Variants in AR observed in about 807,000 individuals in gnomAD.
The protein encoded by AR is androgen receptor.
AR carries 8 observed loss-of-function variants against 53.9 expected under a neutral mutation model. The ratio of observed to expected loss-of-function variants is 0.15; its 90% CI spans 0.09 to 0.27. AR has a LOEUF of 0.27. AR is among the 10% of genes least tolerant of loss of function. The probability of loss-of-function intolerance (pLI) is 1.00; values close to 1 mark genes in which losing one functional copy is unlikely to be tolerated. For synonymous variants in AR, 359 were observed against 316.4 expected (o/e 1.13, Z -1.43); for missense variants, 639 against 742.5 (o/e 0.86, Z 1.62).
chrX:67,609,108 G>A (rs527757801), intron 1 of AR, among the ~76,000 whole-genome samples: 8 of 111,329 alleles, frequency 7.2e-5, no homozygotes, highest in Admixed American at 4.8e-4. Context: ...TTGCCCTGGA[G>A]TAAATGTGCC....
chrX:67,548,231 G>A (rs980900432), intron 1 of AR, among the ~76,000 whole-genome samples: 2 of 111,817 alleles, frequency 1.8e-5, no homozygotes, highest in African/African-American at 3.3e-5. Flanking sequence ...AGAAAGAGGA[G>A]GGTAGGATTT....
At chrX:67,636,373 G>A (rs770595490) in intron 1 of AR, among the ~76,000 whole-genome samples, 1 of 111,301 alleles carries the variant, frequency 9.0e-6, no homozygotes, top group South Asian at 3.7e-4. Flanking sequence ...ATAATATATT[G>A]CTTGCTTTTG....
intron 3 of AR, among the ~76,000 whole-genome samples, chrX:67,703,814 G>A (rs2076053293): frequency 9.0e-6 from 1 of 110,546 alleles, no homozygotes; most frequent in African/African-American, 3.3e-5. Context: ...CCCCACAACA[G>A]GCCCCAGTGT....
chrX:67,571,133 A>G (rs1256845632), intron 1 of AR, among the ~76,000 whole-genome samples: 1 of 111,143 alleles, frequency 9.0e-6, no homozygotes, highest in Non-Finnish European at 1.9e-5. Flanking sequence ...CTCTATTTAA[A>G]ACTTCTGTTC....
chrX:67,675,881 C>T (rs1486835789), intron 2 of AR, among the ~76,000 whole-genome samples: 1 of 111,365 alleles, frequency 9.0e-6, no homozygotes, highest in African/African-American at 3.3e-5. Flanking sequence ...TGCTCCACCT[C>T]TACCCTAGTA....
chrX:67,634,086 A>G (rs1472306373), intron 1 of AR, among the ~76,000 whole-genome samples: 1 of 111,683 alleles, frequency 9.0e-6, no homozygotes, highest in Non-Finnish European at 1.9e-5. Flanking sequence ...AAACCAAGCT[A>G]TAACAGAAAT....
chrX:67,629,488 CT>C (rs1390929887), intron 1 of AR, among the ~76,000 whole-genome samples: 1 of 106,363 alleles, frequency 9.4e-6, no homozygotes, highest in African/African-American at 3.4e-5. Flanking sequence ...GTGATATCCC[CT>C]TTATCATTTT....
At chrX:67,720,935 A>G (rs2076133260) in intron 5 of AR, among the ~76,000 whole-genome samples, 1 of 111,196 alleles carries the variant, frequency 9.0e-6, no homozygotes, top group South Asian at 3.9e-4. Context: ...GAAAACTGGA[A>G]GGCCTACTAG....
Position 67,721,818 on chromosome X carries a change from G to T in AR, c.2319-15G>T. 2 of 1,210,629 alleles carry T rather than the reference G, an allele frequency of 1.7e-6. No homozygotes were observed. The highest frequency in any genetic ancestry group is 2.2e-6 in the Non-Finnish European group (2 of 894,932). ...TTCCCCTCATTCCTTTTTCCTCTGTGTATCTCCTTCCCAGGTACCGCATGC... is the reference window on the plus strand; with the variant it reads ...TTCCCCTCATTCCTTTTTCCTCTGTTTATCTCCTTCCCAGGTACCGCATGC... On this transcript the variant is annotated splice_polypyrimidine_tract_variant and intron_variant, in intron 5 of 7. Coordinates refer to ENST00000374690, the MANE Select transcript of AR (RefSeq NM_000044.6).
intron 1 of AR, among the ~76,000 whole-genome samples, chrX:67,573,511 G>C (rs759662304): frequency 8.1e-5 from 9 of 111,617 alleles, no homozygotes. Flanking sequence ...GGGCTGCACT[G>C]ACTGACTTCT....
intron 1 of AR, among the ~76,000 whole-genome samples, chrX:67,592,528 G>A (rs1287707783): frequency 9.1e-6 from 1 of 110,100 alleles, no homozygotes; most frequent in African/African-American, 3.3e-5. Flanking sequence ...AAAGGAAGAT[G>A]TGCCTCTCTT....
chrX:67,680,703 T>G, intron 2 of AR: 1 of 330,695 alleles, frequency 3.0e-6, no homozygotes, highest in Non-Finnish European at 5.9e-6. Flanking sequence ...CTGCCTTACC[T>G]CCTCTGTTCC....
At chrX:67,556,853 TGAG>T (rs1482963153) in intron 1 of AR, among the ~76,000 whole-genome samples, 1 of 101,223 alleles carries the variant, frequency 9.9e-6, no homozygotes, top group African/African-American at 4.8e-5. Context: ...GCAAAGGGCC[TGAG>T]GCAGGAGCAC....
intron 2 of AR, among the ~76,000 whole-genome samples, chrX:67,684,454 C>T (rs2075954625): frequency 9.0e-6 from 1 of 111,070 alleles, no homozygotes; most frequent in African/African-American, 3.3e-5. Context: ...AGTTTTCTTC[C>T]TTTGGGGGCC....
At chrX:67,624,774 C>T (rs1263300436) in intron 1 of AR, among the ~76,000 whole-genome samples, 1 of 108,240 alleles carries the variant, frequency 9.2e-6, no homozygotes, top group Non-Finnish European at 1.9e-5. Context: ...CTGAAAAACA[C>T]ACAGCTAACA....
chrX:67,601,025 G>T (rs1923329006), intron 1 of AR, among the ~76,000 whole-genome samples: 1 of 111,551 alleles, frequency 9.0e-6, no homozygotes, highest in African/African-American at 3.2e-5. Flanking sequence ...TATGATTCAA[G>T]GGAGCCTAGC....
At chrX:67,624,931 A>G (rs1231286846) in intron 1 of AR, among the ~76,000 whole-genome samples, 3 of 105,397 alleles carry the variant, frequency 2.8e-5, no homozygotes, top group Non-Finnish European at 3.9e-5. Flanking sequence ...AAAAAAAAAA[A>G]AAAGAAAGAG....
intron 1 of AR, among the ~76,000 whole-genome samples, chrX:67,547,985 C>T (rs1018376312): frequency 8.9e-6 from 1 of 112,284 alleles, no homozygotes; most frequent in African/African-American, 3.2e-5. Flanking sequence ...AGTTTATCTG[C>T]TGAGGGAGGA....
intron 3 of AR, among the ~76,000 whole-genome samples, chrX:67,705,685 G>T (rs763710918): frequency 1.1e-3 from 124 of 111,536 alleles, no homozygotes; most frequent in Non-Finnish European, 2.1e-3. Context: ...ACACTATGTT[G>T]AATAGGAATG....
Sources: allele counts gnomAD v4.1 joint callset (sites outside exome capture counted in the v4.1 genomes callset), GRCh38; gene constraint gnomAD v4.1.1; transcripts MANE v1.5; gene names NCBI Gene and HGNC (gene_info 2026-07-23, HGNC 2026-07-21).